Variants in ACBD6 observed in about 807,000 individuals in gnomAD.
The protein encoded by ACBD6 is acyl-CoA binding domain containing 6, also known as acyl-CoA-binding domain-containing protein 6.
In ACBD6, 28 loss-of-function variants were observed where a neutral mutation model predicts 37.2. The observed-to-expected ratio is 0.75, with a 90% CI of 0.56 to 1.03. ACBD6 has a LOEUF of 1.03. Among genes scored for constraint, ACBD6 ranks in the 50% least tolerant of loss-of-function variants. The pLI, the probability that ACBD6 is intolerant of heterozygous loss-of-function variation, is 0.00. For missense variants in ACBD6, 340 were observed against 337.4 expected (o/e 1.01, Z -0.06); for synonymous variants, 113 against 126.8 (o/e 0.89, Z 0.73).
At chr1:180,378,669 G>C (rs967703830) in intron 6 of ACBD6, among the ~76,000 whole-genome samples, 1 of 152,208 alleles carries the variant, frequency 6.6e-6, no homozygotes, top group Non-Finnish European at 1.5e-5. Context: ...AATAGCTCCA[G>C]AGGCCTAGGG....
At chr1:180,289,989 A>T (rs1649637648) in intron 7 of ACBD6, among the ~76,000 whole-genome samples, 1 of 152,226 alleles carries the variant, frequency 6.6e-6, no homozygotes, top group African/African-American at 2.4e-5. Flanking sequence ...CATATGATTG[A>T]GAGGCATGCA....
chr1:180,471,238 A>G (rs1650552851), intron 3 of ACBD6, among the ~76,000 whole-genome samples: 1 of 151,902 alleles, frequency 6.6e-6, no homozygotes, highest in Admixed American at 6.6e-5. Flanking sequence ...TGTCTCTACA[A>G]AAAAATACGA....
chr1:180,280,359 TAAAA>T (rs59479521), intron 9 of ACBD6, among the ~76,000 whole-genome samples: 1 of 149,950 alleles, frequency 6.7e-6, no homozygotes, highest in Non-Finnish European at 1.5e-5. Flanking sequence ...AGAGAAAACT[TAAAA>T]AAAAAAATGC....
At chr1:180,487,315 A>G (rs1651310021) in intron 3 of ACBD6, among the ~76,000 whole-genome samples, 1 of 151,654 alleles carries the variant, frequency 6.6e-6, no homozygotes, top group Non-Finnish European at 1.5e-5. Context: ...GCCAACCCAA[A>G]ATATTAAATG....
chr1:180,368,674 C>A (rs180959394), intron 6 of ACBD6, among the ~76,000 whole-genome samples: 436 of 151,620 alleles, frequency 2.9e-3, no homozygotes, highest in African/African-American at 0.01. Context: ...CCAGTGAATG[C>A]CTGAATGGTG....
intron 4 of ACBD6, among the ~76,000 whole-genome samples, chr1:180,427,299 G>A (rs1225667443): frequency 2.6e-5 from 4 of 152,150 alleles, no homozygotes; most frequent in Non-Finnish European, 5.9e-5. Context: ...ATTATTTTAT[G>A]TCCTTTTTTA....
intron 10 of ACBD6, chr1:180,274,453 C>G (rs1364381167): frequency 1.9e-6 from 3 of 1,614,178 alleles, no homozygotes; most frequent in Non-Finnish European, 2.5e-6. Flanking sequence ...AGGGAGTAAG[C>G]CAGACGCTGA....
At chr1:180,357,670 A>C (rs1448604955) in intron 6 of ACBD6, among the ~76,000 whole-genome samples, 1 of 152,216 alleles carries the variant, frequency 6.6e-6, no homozygotes, top group East Asian at 1.9e-4. Context: ...ACCAGCACAC[A>C]TCAAGACAGG....
chr1:180,363,982 G>A (rs1373843698), intron 6 of ACBD6, among the ~76,000 whole-genome samples: 13 of 152,158 alleles, frequency 8.5e-5, no homozygotes, highest in Non-Finnish European at 1.5e-5. Flanking sequence ...TGAACACACT[G>A]ACAAATGCCA....
intron 3 of ACBD6, among the ~76,000 whole-genome samples, chr1:180,434,201 A>G (rs1457412206): frequency 2.0e-5 from 3 of 152,168 alleles, no homozygotes; most frequent in African/African-American, 7.2e-5. Flanking sequence ...CAGCATTAAC[A>G]TTAAAACAGA....
At chr1:180,456,972 A>G (rs12034669) in intron 3 of ACBD6, among the ~76,000 whole-genome samples, 18,549 of 152,206 alleles carry the variant, frequency 0.12, 1,624 homozygotes, top group East Asian at 0.36. Flanking sequence ...ACATCACACT[A>G]TAACAAGTAT....
chr1:180,472,979 T>C (rs1256831951), intron 3 of ACBD6, among the ~76,000 whole-genome samples: 1 of 152,142 alleles, frequency 6.6e-6, no homozygotes, highest in African/African-American at 2.4e-5. Flanking sequence ...AGAATACTAC[T>C]GAACAAAAGC....
At chr1:180,492,598 C>T (rs531282327) in intron 2 of ACBD6, among the ~76,000 whole-genome samples, 20 of 152,162 alleles carry the variant, frequency 1.3e-4, no homozygotes, top group African/African-American at 3.9e-4. Context: ...TCGTCCTCCC[C>T]GTGAAATTTT....
At chr1:180,466,927 T>C (rs922963461) in intron 3 of ACBD6, among the ~76,000 whole-genome samples, 1 of 152,150 alleles carries the variant, frequency 6.6e-6, no homozygotes, top group Admixed American at 6.5e-5. Context: ...TATATCTATA[T>C]AAATATGTAT....
chr1:180,419,164 T>C lies in ACBD6; in HGVS notation c.468-5693A>G, dbSNP rs371091830. On this transcript the variant is annotated intron_variant, in intron 4 of 7. Coordinates refer to ENST00000367595, the MANE Select transcript of ACBD6 (RefSeq NM_032360.4). ...TACTTGGGAGGCTGAGGCAGGAGAA[T>C]GGCGTGAACCCAGGAAGCGGAGCTT... is the stretch of plus-strand genomic sequence containing the variant. Among the ~76,000 whole-genome samples the C allele has an allele frequency of 1.9e-3, 294 of 152,194 alleles. 2 individuals are homozygous for C. The highest frequency in any genetic ancestry group is 6.9e-3 in the African/African-American group (285 of 41,520).
chr1:180,342,276 G>A (rs1470209355), intron 6 of ACBD6, among the ~76,000 whole-genome samples: 4 of 152,102 alleles, frequency 2.6e-5, no homozygotes, highest in Non-Finnish European at 5.9e-5. Flanking sequence ...GAGTAGTAGA[G>A]AAAAGGATCA....
chr1:180,455,374 G>A (rs180791020), intron 3 of ACBD6, among the ~76,000 whole-genome samples: 25 of 151,744 alleles, frequency 1.6e-4, no homozygotes, highest in Admixed American at 5.3e-4. Context: ...CCTATCGGGG[G>A]TTGGGGGACA....
At chr1:180,279,204 A>ATT (rs1181920665) in intron 9 of ACBD6, among the ~76,000 whole-genome samples, 2 of 152,204 alleles carry the variant, frequency 1.3e-5, no homozygotes, top group Non-Finnish European at 2.9e-5. Flanking sequence ...TCTAATAGTC[A>ATT]TTTCCTGGGC....
intron 4 of ACBD6, among the ~76,000 whole-genome samples, chr1:180,427,133 A>C (rs1280599615): frequency 1.3e-5 from 2 of 152,210 alleles, no homozygotes; most frequent in East Asian, 3.8e-4. Flanking sequence ...CTCATAACTC[A>C]TCATCTATTA....
Sources: allele counts gnomAD v4.1 joint callset (sites outside exome capture counted in the v4.1 genomes callset), GRCh38; gene constraint gnomAD v4.1.1; transcripts MANE v1.5; gene names NCBI Gene and HGNC (gene_info 2026-07-23, HGNC 2026-07-21).